The following ELP4 variants were observed in gnomAD, a reference collection of about 807,000 sequenced individuals.
The protein encoded by ELP4 is elongator complex protein 4.
Under a neutral mutation model 48.9 loss-of-function variants are expected in ELP4, and 51 were observed. That is an observed-to-expected ratio of 1.04 (90% CI 0.83 to 1.32). The LOEUF (loss-of-function observed/expected upper bound fraction) is 1.32, where lower values mean the gene tolerates loss of function less well. Ranked by LOEUF, ELP4 falls within the 40% of genes most tolerant of loss-of-function variation. The probability of loss-of-function intolerance (pLI) is 0.00; values close to 1 mark genes in which losing one functional copy is unlikely to be tolerated. For synonymous variants in ELP4, 210 were observed against 189.2 expected, an observed-to-expected ratio of 1.11 and a Z score of -0.90; for missense variants, 519 against 514.6, an observed-to-expected ratio of 1.01 and a Z score of -0.08.
chr11:31,644,032 A>C (rs1049545105), intron 7 of ELP4, among the ~76,000 whole-genome samples: 1 of 151,814 alleles, frequency 6.6e-6, no homozygotes, highest in Non-Finnish European at 1.5e-5. Flanking sequence ...ACTCCTGGAC[A>C]CTGGCTTTCC....
At chr11:31,601,755 G>T (rs1473338034) in intron 4 of ELP4, among the ~76,000 whole-genome samples, 1 of 152,076 alleles carries the variant, frequency 6.6e-6, no homozygotes, top group African/African-American at 2.4e-5. Flanking sequence ...CCCATGGCCA[G>T]TCTGCTAAAA....
intron 3 of ELP4, among the ~76,000 whole-genome samples, chr11:31,580,076 C>G (rs1015561934): frequency 6.6e-6 from 1 of 152,106 alleles, no homozygotes; most frequent in African/African-American, 2.4e-5. Flanking sequence ...GGTAAGCAGG[C>G]TAGAGAGGTT....
intron 2 of ELP4, among the ~76,000 whole-genome samples, chr11:31,533,606 T>G (rs1360724956): frequency 6.6e-6 from 1 of 151,584 alleles, no homozygotes; most frequent in Admixed American, 6.6e-5. Context: ...GCCAGGATGG[T>G]CTCGATCTCC....
At chr11:31,761,899 C>T (rs1947953706) in intron 9 of ELP4, 1 of 152,088 alleles carries the variant, frequency 6.6e-6, no homozygotes, top group South Asian at 2.1e-4. Flanking sequence ...TGCCAGCCTC[C>T]CAATCAGAAA....
chr11:31,714,066 T>C (rs1333853995), intron 9 of ELP4, among the ~76,000 whole-genome samples: 1 of 152,106 alleles, frequency 6.6e-6, no homozygotes, highest in Non-Finnish European at 1.5e-5. Flanking sequence ...CCAGTGTCTG[T>C]GATGGTATAG....
chr11:31,653,980 G>A (rs1945376495), intron 9 of ELP4: 9 of 151,548 alleles, frequency 5.9e-5, no homozygotes. Flanking sequence ...TGACATAAGT[G>A]CAACATTTTC....
chr11:31,707,196 C>A, intron 9 of ELP4: 1 of 389,476 alleles, frequency 2.6e-6, no homozygotes, highest in Non-Finnish European at 4.5e-6. Flanking sequence ...ATATTCCCAC[C>A]AACAGTGTAA....
intron 9 of ELP4, among the ~76,000 whole-genome samples, chr11:31,665,559 A>C (rs544412443): frequency 6.6e-6 from 1 of 151,872 alleles, no homozygotes; most frequent in Admixed American, 6.6e-5. Flanking sequence ...CATAATCATC[A>C]AATATCAAAG....
intron 9 of ELP4, among the ~76,000 whole-genome samples, chr11:31,700,882 C>G (rs1946507654): frequency 6.6e-6 from 1 of 151,998 alleles, no homozygotes; most frequent in Non-Finnish European, 1.5e-5. Context: ...CTTTTTCTTT[C>G]TCCTTGCCTA....
At chr11:31,547,985 C>A (rs1592104952) in intron 3 of ELP4, among the ~76,000 whole-genome samples, 1 of 152,090 alleles carries the variant, frequency 6.6e-6, no homozygotes, top group East Asian at 1.9e-4. Context: ...TGGGACATAT[C>A]TCAAAATAAT....
chr11:31,535,502 C>G (rs1054096118), intron 2 of ELP4, among the ~76,000 whole-genome samples: 10 of 152,032 alleles, frequency 6.6e-5, no homozygotes, highest in African/African-American at 2.4e-4. Context: ...ACCACCACAC[C>G]CAGCTAATTT....
rs568347894 is a variant in ELP4, at chr11:31,774,099, G to A, written c.1144-9294G>A. 3.9e-5 allele frequency among the ~76,000 whole-genome samples: 6 copies of A among 152,306 alleles called. No homozygotes were observed. The South Asian group carries it at 1.0e-3, about 26-fold the overall frequency. ...AGGCTTTGGGAGGATTGCTTGAGCCGAGGAAGTTGAGGCTGCAGTGAGCCA... is the reference window on the plus strand; with the variant it reads ...AGGCTTTGGGAGGATTGCTTGAGCCAAGGAAGTTGAGGCTGCAGTGAGCCA... On this transcript the variant is annotated intron_variant, in intron 9 of 9. Coordinates refer to ENST00000640961, the MANE Select transcript of ELP4 (RefSeq NM_019040.5).
At chr11:31,681,388 G>A (rs1287253356) in intron 9 of ELP4, among the ~76,000 whole-genome samples, 3 of 152,154 alleles carry the variant, frequency 2.0e-5, no homozygotes, top group African/African-American at 4.8e-5. Context: ...AGTATGCTTA[G>A]TCTAAATCAG....
chr11:31,738,761 A>G (rs767459864), intron 9 of ELP4, among the ~76,000 whole-genome samples: 23 of 152,138 alleles, frequency 1.5e-4, no homozygotes, highest in Non-Finnish European at 3.4e-4. Context: ...AGAAATTATA[A>G]CATATTCTGC....
intron 9 of ELP4, among the ~76,000 whole-genome samples, chr11:31,738,494 G>C (rs187095447): frequency 6.6e-6 from 1 of 151,792 alleles, no homozygotes; most frequent in Non-Finnish European, 1.5e-5. Context: ...AGCACACTGC[G>C]GGGGGCTAAG....
chr11:31,598,939 G>T (rs989118761), intron 4 of ELP4: 1 of 152,148 alleles, frequency 6.6e-6, no homozygotes, highest in African/African-American at 2.4e-5. Flanking sequence ...TTTACCAGAA[G>T]TGACTGCCTT....
chr11:31,516,801 T>C (rs1956120935), intron 1 of ELP4, among the ~76,000 whole-genome samples: 1 of 152,150 alleles, frequency 6.6e-6, no homozygotes. Context: ...CCTGATCCTT[T>C]TTGATGGCTA....
At chr11:31,559,904 C>CT (rs1956988395) in intron 3 of ELP4, among the ~76,000 whole-genome samples, 2 of 69,264 alleles carry the variant, frequency 2.9e-5, no homozygotes, top group Non-Finnish European at 5.1e-5. Context: ...AAAACTCCGT[C>CT]TAAAAAAAAA....
intron 1 of ELP4, among the ~76,000 whole-genome samples, chr11:31,517,103 GCATGTATGTTACCAGATTT>G (rs1956127895): frequency 6.6e-6 from 1 of 151,998 alleles, no homozygotes; most frequent in Non-Finnish European, 1.5e-5. Flanking sequence ...TATTCTAGGC[GCATGTATGTTACCAGATTT>G]CAAACTGTTT....
Sources: allele counts gnomAD v4.1 joint callset (sites outside exome capture counted in the v4.1 genomes callset), GRCh38; gene constraint gnomAD v4.1.1; transcripts MANE v1.5; gene names NCBI Gene and HGNC (gene_info 2026-07-23, HGNC 2026-07-21).